The following ST7 variants were observed in gnomAD, a reference collection of about 807,000 sequenced individuals.
ST7 encodes the protein suppression of tumorigenicity 7, also known as suppressor of tumorigenicity 7 protein.
Under a neutral mutation model 78.7 loss-of-function variants are expected in ST7, and 28 were observed. The observed-to-expected ratio is 0.36, with a 90% CI of 0.26 to 0.49. The LOEUF (loss-of-function observed/expected upper bound fraction) is 0.49. ST7 is among the 20% of genes least tolerant of loss of function. ST7 has a pLI of 0.99. For synonymous variants in ST7, 247 were observed against 249.6 expected (o/e 0.99, Z 0.10); for missense variants, 418 against 696.0 (o/e 0.60, Z 4.49).
chr7:117,099,964 C>A, intron 2 of ST7, 120 bp downstream of exon 2: 1 of 679,608 alleles, frequency 1.5e-6, no homozygotes, highest in South Asian at 2.5e-5. Context: ...TTATCTTGCA[C>A]ATGTATATAT....
chr7:117,123,789 A>G (rs1480701100), intron 3 of ST7, among the ~76,000 whole-genome samples: 2 of 152,182 alleles, frequency 1.3e-5, no homozygotes, highest in Non-Finnish European at 2.9e-5. Flanking sequence ...CCATAAAGAC[A>G]AAGGTTTGCA....
Position 117,039,033 on chromosome 7 carries a change from T to A in ST7, c.152-60729T>A, listed in dbSNP as rs115739074. On this transcript the variant is annotated intron_variant, in intron 1 of 15. Transcript: ENST00000323984. ...AATTTAACAGCCACAGAATACTTTG[T>A]TGTAGTTTGAAACATATTTTTTTAG... Among the ~76,000 whole-genome samples the A allele has an allele frequency of 5.3e-3, 806 of 152,310 alleles. 6 individuals are homozygous for A. Among genetic ancestry groups the A allele is most frequent in the African/African-American group, 0.017 (717 of 41,568 alleles).
At chr7:117,197,020 T>TCTA (rs1435227756) in intron 12 of ST7, among the ~76,000 whole-genome samples, 1 of 152,134 alleles carries the variant, frequency 6.6e-6, no homozygotes, top group African/African-American at 2.4e-5. Context: ...AAGAGAATTA[T>TCTA]CTACTTCTTC....
At chr7:117,130,287 A>C (rs1804238436) in intron 4 of ST7, among the ~76,000 whole-genome samples, 1 of 151,924 alleles carries the variant, frequency 6.6e-6, no homozygotes, top group Non-Finnish European at 1.5e-5. Flanking sequence ...AGACAAAAAC[A>C]CAGGAGAAAA....
At chr7:117,223,068 A>T (rs1204714092) in intron 15 of ST7, 2 of 907,888 alleles carry the variant, frequency 2.2e-6, no homozygotes, top group Non-Finnish European at 3.6e-6. Context: ...TCAAGCCGGA[A>T]ACTCGGCAGC....
intron 2 of ST7, among the ~76,000 whole-genome samples, chr7:117,119,093 C>G (rs545909752): frequency 6.6e-6 from 1 of 152,250 alleles, no homozygotes; most frequent in East Asian, 1.9e-4. Flanking sequence ...CAAGCACCCC[C>G]ACTCCTTCCT....
intron 3 of ST7, among the ~76,000 whole-genome samples, chr7:117,123,159 A>AT (rs1225935285): frequency 6.6e-6 from 1 of 152,190 alleles, no homozygotes; most frequent in Non-Finnish European, 1.5e-5. Context: ...GTGTAATGGT[A>AT]TTTTATTGAT....
chr7:117,195,309 T>G (rs1477450667), intron 12 of ST7, among the ~76,000 whole-genome samples: 1 of 152,160 alleles, frequency 6.6e-6, no homozygotes, highest in Admixed American at 6.5e-5. Flanking sequence ...TCCGTGTGCC[T>G]TCAGACTCTT....
intron 1 of ST7, chr7:116,954,770 A>G (rs564331341): frequency 3.9e-6 from 1 of 258,802 alleles, no homozygotes; most frequent in African/African-American, 2.2e-5. Context: ...GTACACATAT[A>G]TATCTTCCCT....
At chr7:117,074,260 G>A (rs112759549) in intron 1 of ST7, among the ~76,000 whole-genome samples, 7,298 of 152,072 alleles carry the variant, frequency 0.048, 585 homozygotes, top group African/African-American at 0.17. Flanking sequence ...GTGTGGTGGC[G>A]CACACCTGTA....
chr7:117,160,136 G>A (rs1717495289), intron 9 of ST7, among the ~76,000 whole-genome samples: 1 of 150,004 alleles, frequency 6.7e-6, no homozygotes, highest in African/African-American at 2.5e-5. Flanking sequence ...TGGAGACTGA[G>A]GCAGGAGTAT....
At chr7:117,207,263 C>A (rs1791852395) in intron 12 of ST7, among the ~76,000 whole-genome samples, 1 of 151,980 alleles carries the variant, frequency 6.6e-6, no homozygotes, top group Non-Finnish European at 1.5e-5. Flanking sequence ...TCTGCCTTAG[C>A]CTCCTGAACA....
intron 12 of ST7, among the ~76,000 whole-genome samples, chr7:117,202,330 C>T (rs1003834004): frequency 6.6e-6 from 1 of 152,180 alleles, no homozygotes; most frequent in Admixed American, 6.5e-5. Flanking sequence ...AGAACACCCA[C>T]ATTTGTGTCT....
chr7:116,972,720 G>A (rs1793493260), intron 1 of ST7: 5 of 926,140 alleles, frequency 5.4e-6, no homozygotes, highest in South Asian at 5.2e-5. Flanking sequence ...CCTGAGCACA[G>A]TCCAGCTTCT....
At chr7:117,084,309 A>G (rs1197761444) in intron 1 of ST7, among the ~76,000 whole-genome samples, 1 of 152,176 alleles carries the variant, frequency 6.6e-6, no homozygotes, top group African/African-American at 2.4e-5. Context: ...GGCATCTAGG[A>G]GACAGGTTGG....
intron 1 of ST7, among the ~76,000 whole-genome samples, chr7:117,047,635 A>T (rs1336012007): frequency 6.6e-6 from 1 of 152,224 alleles, no homozygotes; most frequent in East Asian, 1.9e-4. Flanking sequence ...TAAAGGGTTT[A>T]GATTAAACAG....
At position 117,105,998 on chromosome 7, in the gene ST7, G is replaced by T. The variant is rs965204135; in HGVS notation, c.234+6154G>T. ...GTTTTTTGTTTTTGTTTTTGTTTTT[G>T]TTTTTTTTTTTGAGACGGAGTCTCG... On this transcript the variant is annotated intron_variant, in intron 2 of 15. Coordinates refer to ENST00000323984, the MANE Select transcript of ST7 (RefSeq NM_001369598.1). Among the ~76,000 whole-genome samples the T allele has an allele frequency of 1.4e-4, 20 of 146,886 alleles. No homozygotes were observed. In the South Asian group the frequency reaches 2.2e-3, roughly 16 times the overall value.
chr7:117,090,292 C>T (rs935468251), intron 1 of ST7, among the ~76,000 whole-genome samples: 1 of 151,944 alleles, frequency 6.6e-6, no homozygotes, highest in Admixed American at 6.6e-5. Flanking sequence ...AAAGTCCCAG[C>T]CATCAAAGAC....
chr7:116,957,072 T>G (rs1253479345), intron 1 of ST7: 4 of 169,250 alleles, frequency 2.4e-5, no homozygotes, highest in Non-Finnish European at 5.0e-5. Context: ...ACCATACCGT[T>G]TTTAGCTCTT....
Sources: gnomAD v4.1 joint callset for allele counts (sites outside exome capture counted in the v4.1 genomes callset) on GRCh38, gnomAD v4.1.1 for gene constraint, MANE v1.5 for transcripts, NCBI Gene and HGNC (gene_info 2026-07-23, HGNC 2026-07-21) for gene names.